The following GREB1 variants were observed in gnomAD, a reference collection of about 807,000 sequenced individuals.
GREB1 encodes protein GREB1.
A neutral mutation model predicts 200.7 loss-of-function variants in GREB1; 106 were observed. The observed-to-expected ratio is 0.53, with a 90% CI of 0.45 to 0.62. The LOEUF (loss-of-function observed/expected upper bound fraction) is 0.62. Among genes scored for constraint, GREB1 ranks in the 20% least tolerant of loss-of-function variants. GREB1 has a pLI of 0.00. For missense variants in GREB1, 2,243 were observed against 2,556.8 expected (o/e 0.88, Z 2.65); for synonymous variants, 1,132 against 1,092.4 (o/e 1.04, Z -0.72).
At chr2:11,603,998 G>T (rs1182295045) in intron 17 of GREB1, among the ~76,000 whole-genome samples, 1 of 152,180 alleles carries the variant, frequency 6.6e-6, no homozygotes, top group Admixed American at 6.5e-5. Context: ...AACCCTGCTT[G>T]CTTGGCTCCA....
chr2:11,497,676 A>G (rs1672923508), intron 1 of GREB1, among the ~76,000 whole-genome samples: 1 of 152,212 alleles, frequency 6.6e-6, no homozygotes, highest in Non-Finnish European at 1.5e-5. Flanking sequence ...TGATAGATGC[A>G]TAGTGATGTC....
At chr2:11,515,652 C>G (rs1238472161) in intron 1 of GREB1, among the ~76,000 whole-genome samples, 1 of 152,178 alleles carries the variant, frequency 6.6e-6, no homozygotes, top group East Asian at 1.9e-4. Flanking sequence ...CAACCCCGTC[C>G]CCTCCTGTGT....
chr2:11,540,861 C>T (rs528237464), intron 1 of GREB1, among the ~76,000 whole-genome samples: 1 of 152,330 alleles, frequency 6.6e-6, no homozygotes, highest in Non-Finnish European at 1.5e-5. Context: ...TACTGGAGCA[C>T]CCCATTCCCA....
chr2:11,563,587 G>C (rs1403357525), intron 3 of GREB1, among the ~76,000 whole-genome samples: 4 of 152,220 alleles, frequency 2.6e-5, no homozygotes, highest in African/African-American at 9.7e-5. Flanking sequence ...GACACAACTG[G>C]AACGTGCAGG....
intron 26 of GREB1, 102 bp downstream of exon 26, chr2:11,630,211 ATACAGGGAC>A (rs1206528145): frequency 1.8e-6 from 2 of 1,116,026 alleles, no homozygotes; most frequent in Non-Finnish European, 2.6e-6. Context: ...GCAGACACCG[ATACAGGGAC>A]TGAACTTGGA....
At position 11,620,993 on chromosome 2, in the gene GREB1, AG is replaced by A. The variant is rs1558650738; in HGVS notation, c.4135del (p.Glu1379ArgfsTer46). ...RLTEVDVYDE[E>X]EININLREES... ...ACAGAAGTGGATGTCTATGACGAGG[AG>A]GAGATCAATATCAGTGAGTTATCTG... On this transcript the variant is annotated frameshift_variant, in exon 23 of 33. Coordinates refer to ENST00000381486, the MANE Select transcript of GREB1 (RefSeq NM_014668.4). LOFTEE classifies it high-confidence loss of function. 1 of 1,601,402 alleles carries A rather than the reference AG, an allele frequency of 6.2e-7. No homozygotes were observed. The highest frequency in any genetic ancestry group is 1.1e-5 in the South Asian group (1 of 90,838).
At chr2:11,621,112 T>C in intron 23 of GREB1, 105 bp downstream of exon 23, 3 of 755,724 alleles carry the variant, frequency 4.0e-6, no homozygotes, top group Middle Eastern at 2.4e-4. Context: ...CTCAGATTCA[T>C]GATCAGACTC....
chr2:11,492,243 AC>A lies in GREB1; in HGVS notation c.-159+9863del, dbSNP rs1443807903. Reference sequence around the variant, plus strand: ...TGGGCTCTTCCCTCATGCCCACCCCACTTGGTAGAAGCAACCATGCCACATT... The same window carrying A: ...TGGGCTCTTCCCTCATGCCCACCCCATTGGTAGAAGCAACCATGCCACATT... On this transcript the variant is annotated intron_variant, in intron 1 of 2. Transcript: ENST00000628795. The surrounding 1 kb of genome is among the most constrained non-coding windows in gnomAD (Gnocchi z 4.0). Among the ~76,000 whole-genome samples, 1 of 152,170 alleles carries A rather than the reference AC, an allele frequency of 6.6e-6. No individual in the cohort carries two copies. Among genetic ancestry groups the A allele is most frequent in the Admixed American group, 6.5e-5 (1 of 15,280 alleles).
At chr2:11,598,012 A>T in intron 14 of GREB1, 34 bp downstream of exon 14, 2 of 1,522,572 alleles carry the variant, frequency 1.3e-6, no homozygotes, top group Non-Finnish European at 1.8e-6. Flanking sequence ...TCACGTGTGG[A>T]GAAGCTTTGA....
chr2:11,599,242 G>T (rs10929760), intron 15 of GREB1, among the ~76,000 whole-genome samples: 45,564 of 151,974 alleles, frequency 0.3, 8,132 homozygotes, highest in Middle Eastern at 0.45. Flanking sequence ...GGTGCGGAGG[G>T]TCCTAGCAGG....
intron 1 of GREB1, among the ~76,000 whole-genome samples, chr2:11,541,479 G>A (rs940194513): frequency 6.6e-6 from 1 of 151,964 alleles, no homozygotes; most frequent in African/African-American, 2.4e-5. Context: ...ACTTGGCATC[G>A]TGACCTCTCA....
rs182238460 is a variant in GREB1 at position 11,555,256 on chromosome 2, C to A, written c.-161-1198C>A. On this transcript the variant is annotated intron_variant, in intron 1 of 32. Coordinates refer to ENST00000381486, the MANE Select transcript of GREB1 (RefSeq NM_014668.4). ...AAATGGAAAACATTATGGACATATA[C>A]ACATTTAAATGCCTGTTCTTGGGAA... Among the ~76,000 whole-genome samples, 3 of 152,256 alleles carry A rather than the reference C, an allele frequency of 2.0e-5. No individual in the cohort carries two copies. In the East Asian group the frequency reaches 5.8e-4, roughly 29 times the overall value.
At chr2:11,578,107 C>T (rs921075802) in intron 5 of GREB1, among the ~76,000 whole-genome samples, 190 bp from the exon 6 acceptor site, 27 of 152,302 alleles carry the variant, frequency 1.8e-4, no homozygotes, top group African/African-American at 5.5e-4. Context: ...CCCCTTGGCA[C>T]GTAGCCACAA....
At chr2:11,516,991 C>G (rs1673529078) in intron 1 of GREB1, among the ~76,000 whole-genome samples, 1 of 152,230 alleles carries the variant, frequency 6.6e-6, no homozygotes, top group Non-Finnish European at 1.5e-5. Flanking sequence ...GGATCCAGTC[C>G]AAGCTCCTTA....
intron 1 of GREB1, among the ~76,000 whole-genome samples, chr2:11,525,240 C>T (rs1036892881): frequency 1.3e-5 from 2 of 152,158 alleles, no homozygotes; most frequent in African/African-American, 2.4e-5. Flanking sequence ...CACGGTGGCT[C>T]ACGCCTGTAA....
At chr2:11,616,950 G>C (rs3792038) in intron 21 of GREB1, among the ~76,000 whole-genome samples, 89,208 of 151,980 alleles carry the variant, frequency 0.59, 27,108 homozygotes, top group African/African-American at 0.76. Flanking sequence ...CTGCCCCTGT[G>C]CTCAGGGGAG....
rs537689099 is a variant in GREB1 at position 11,625,207 on chromosome 2, G to A, written c.4201G>A (p.Asp1401Asn). ...HYLQLSDPWP[D>N]LELFKKLPFD... ...TCTCCAGCTTAGCGACCCCTGGCCA[G>A]ACCTGGAGCTGTTCAAGAAGTTGCC... Residue 1401 changes from aspartate to asparagine, a missense_variant, in exon 24 of 33, where the codon GAC (aspartate) becomes AAC (asparagine). Asp to Asn is a conservative substitution (Grantham distance 23, BLOSUM62 1). Coordinates refer to ENST00000381486, the MANE Select transcript of GREB1 (RefSeq NM_014668.4). The A allele has an allele frequency of 1.2e-5, 20 of 1,613,946 alleles. No homozygotes were observed. The South Asian group carries it at 1.6e-4, about 13-fold the overall frequency.
rs1376817664 is a variant in GREB1 at position 11,616,631 on chromosome 2, G to C, written c.3323G>C (p.Gly1108Ala). 1.9e-6 allele frequency: 3 copies of C among 1,598,138 alleles called. No homozygotes were observed. Among genetic ancestry groups the C allele is most frequent in the Admixed American group, 1.7e-5 (1 of 59,994 alleles). Residue 1108 changes from glycine to alanine, a missense_variant and splice_region_variant, in exon 21 of 33, where the codon GGC becomes GCC. Gly to Ala is a moderately conservative substitution (Grantham distance 60). Around this residue, in one of 3 missense-constraint regions of GREB1, gnomAD observed 587 missense variants for 553.1 expected, o/e 1.06. Coordinates refer to ENST00000381486, the MANE Select transcript of GREB1 (RefSeq NM_014668.4). ...TCTCAGCGTGTGTGTTTTGGAACAG[G>C]CTCTACCTCGGAGAAGAGAAGCCCC... ...DNEDEELGTE[G>A]STSEKRSPMK...
At chr2:11,518,537 G>T (rs904093336) in intron 1 of GREB1, among the ~76,000 whole-genome samples, 5 of 150,908 alleles carry the variant, frequency 3.3e-5, no homozygotes, top group Non-Finnish European at 7.4e-5. Context: ...CGGGTAGGGG[G>T]TGGGGGTGTG....
Sources: gnomAD v4.1 joint callset for allele counts (sites outside exome capture counted in the v4.1 genomes callset) on GRCh38, gnomAD v4.1.1 for gene constraint, gnomAD v4.1.1 regional missense constraint, Gnocchi (gnomAD v3.1) non-coding constraint, MANE v1.5 for transcripts, NCBI Gene and HGNC (gene_info 2026-07-23, HGNC 2026-07-21) for gene names.